Variants in RGS7 observed in about 807,000 individuals in gnomAD.
RGS7 encodes the protein regulator of G protein signaling 7.
In RGS7, 27 loss-of-function variants were observed where a neutral mutation model predicts 81.1. That is an observed-to-expected ratio of 0.33 (90% CI 0.25 to 0.46). RGS7 has a LOEUF of 0.46. Ranked by LOEUF, RGS7 falls within the 20% of genes least tolerant of loss-of-function variation. RGS7 has a pLI of 1.00. For missense variants in RGS7, 396 were observed against 607.4 expected (o/e 0.65, Z 3.66); for synonymous variants, 208 against 207.7 (o/e 1.00, Z -0.01).
intron 2 of RGS7, among the ~76,000 whole-genome samples, chr1:241,241,453 G>A (rs915035437): frequency 2.6e-5 from 4 of 152,040 alleles, no homozygotes; most frequent in Admixed American, 6.5e-5. Context: ...GCTGTTTTCC[G>A]TTTCATCTCC....
chr1:240,985,027 A>G (rs1022800246), intron 3 of RGS7, among the ~76,000 whole-genome samples: 2 of 152,324 alleles, frequency 1.3e-5, no homozygotes, highest in East Asian at 3.9e-4. Flanking sequence ...TTTTACTAAA[A>G]CAGCTCTAAG....
rs373136602 is a variant in RGS7 at position 241,094,054 on chromosome 1, C to CCTGAGGA, written c.175+4605_175+4611dup. Among the ~76,000 whole-genome samples the CCTGAGGA allele has an allele frequency of 5.1e-3, 770 of 152,250 alleles. 2 individuals are homozygous for CCTGAGGA. Among genetic ancestry groups the CCTGAGGA allele is most frequent in the African/African-American group, 0.018 (736 of 41,534 alleles). On this transcript the variant is annotated intron_variant, in intron 3 of 18. Transcript: ENST00000440928. ...AGTTTGTGCAGACTGCTGGACTGTG[C>CCTGAGGA]CTGAGGACTGGGGCAAGAGCTGCAA... is the stretch of plus-strand genomic sequence containing the variant.
intron 2 of RGS7, among the ~76,000 whole-genome samples, chr1:241,349,006 A>AAAT (rs1201162678): frequency 5.8e-5 from 1 of 17,166 alleles, no homozygotes; most frequent in African/African-American, 7.3e-5. Flanking sequence ...TAATAAGATA[A>AAAT]AATGATAATA....
intron 9 of RGS7, among the ~76,000 whole-genome samples, chr1:240,828,866 G>T (rs992544805): frequency 6.6e-6 from 1 of 152,164 alleles, no homozygotes. Context: ...CAGACTGCAA[G>T]AAATTAAAGC....
At chr1:240,811,389 T>A (rs911371259) in intron 14 of RGS7, among the ~76,000 whole-genome samples, 2 of 152,246 alleles carry the variant, frequency 1.3e-5, no homozygotes, top group African/African-American at 4.8e-5. Context: ...GGTGTCACTC[T>A]CTCACGAACA....
intron 3 of RGS7, among the ~76,000 whole-genome samples, chr1:241,049,568 T>C (rs2061139931): frequency 6.6e-6 from 1 of 152,172 alleles, no homozygotes; most frequent in Non-Finnish European, 1.5e-5. Flanking sequence ...ATCACAATTG[T>C]CTGTGGACAA....
intron 6 of RGS7, among the ~76,000 whole-genome samples, chr1:240,927,562 T>C (rs1230489941): frequency 2.6e-5 from 4 of 152,150 alleles, no homozygotes; most frequent in African/African-American, 9.7e-5. Flanking sequence ...AAATTCAAAG[T>C]TGGGTAATTC....
chr1:241,168,442 T>C (rs1436687199), intron 2 of RGS7, among the ~76,000 whole-genome samples: 1 of 152,166 alleles, frequency 6.6e-6, no homozygotes, highest in African/African-American at 2.4e-5. Flanking sequence ...TGGCAGATAC[T>C]CACTAGGGTG....
chr1:241,001,596 T>C (rs1688147898), intron 3 of RGS7, among the ~76,000 whole-genome samples: 2 of 152,114 alleles, frequency 1.3e-5, no homozygotes, highest in African/African-American at 4.8e-5. Context: ...CAAAACATCA[T>C]TGAGTTCTAA....
At chr1:240,869,169 C>A (rs1356481718) in intron 7 of RGS7, among the ~76,000 whole-genome samples, 2 of 152,132 alleles carry the variant, frequency 1.3e-5, no homozygotes, top group African/African-American at 2.4e-5. Context: ...GATGAACCCA[C>A]TGGATTTTTC....
chr1:241,317,466 C>A (rs2080949827), intron 2 of RGS7, among the ~76,000 whole-genome samples: 1 of 152,096 alleles, frequency 6.6e-6, no homozygotes, highest in South Asian at 2.1e-4. Context: ...AAGGACCTTA[C>A]CCTTACTTTC....
At chr1:241,119,451 T>G (rs1016955278) in intron 2 of RGS7, among the ~76,000 whole-genome samples, 1 of 152,224 alleles carries the variant, frequency 6.6e-6, no homozygotes, top group African/African-American at 2.4e-5. Flanking sequence ...CAGGTAGTAG[T>G]CAGTGATTAC....
intron 3 of RGS7, among the ~76,000 whole-genome samples, chr1:241,078,007 G>GGA (rs138241514): frequency 6.6e-6 from 1 of 151,308 alleles, no homozygotes; most frequent in Non-Finnish European, 1.5e-5. Flanking sequence ...CTGACTTATT[G>GGA]GAGAGAGAGA....
intron 6 of RGS7, among the ~76,000 whole-genome samples, chr1:240,899,339 G>C (rs1461575419): frequency 6.6e-6 from 1 of 152,140 alleles, no homozygotes; most frequent in African/African-American, 2.4e-5. Context: ...GATGTTCGAT[G>C]GTTATTTTGC....
At chr1:240,920,334 G>T in intron 6 of RGS7, 1 of 1,520,532 alleles carries the variant, frequency 6.6e-7, no homozygotes, top group Non-Finnish European at 9.0e-7. Flanking sequence ...TGGTGGCTTT[G>T]GTGGCAGCTG....
At chr1:241,268,607 G>A (rs1275266392) in intron 2 of RGS7, among the ~76,000 whole-genome samples, 1 of 152,092 alleles carries the variant, frequency 6.6e-6, no homozygotes. Context: ...CTGAAGCTAG[G>A]AGATACGAGA....
At chr1:241,345,155 G>A (rs551053163) in intron 2 of RGS7, among the ~76,000 whole-genome samples, 1 of 152,196 alleles carries the variant, frequency 6.6e-6, no homozygotes, top group African/African-American at 2.4e-5. Context: ...AACACTGCAT[G>A]TTCTTACTTA....
intron 3 of RGS7, among the ~76,000 whole-genome samples, chr1:241,041,829 T>C (rs966804416): frequency 6.6e-6 from 1 of 151,050 alleles, no homozygotes; most frequent in Non-Finnish European, 1.5e-5. Context: ...AGTACTACCT[T>C]TGGTAGTACT....
At position 240,936,606 on chromosome 1, in the gene RGS7, C is replaced by A. The variant is rs768977523; in HGVS notation, c.327G>T (p.Arg109=). The A allele has an allele frequency of 1.2e-6, 2 of 1,611,628 alleles. No individual in the cohort carries two copies. Among genetic ancestry groups the A allele is most frequent in the East Asian group, 4.5e-5 (2 of 44,844 alleles). The change falls in exon 5 of 19, where the codon CGG becomes CGT. Residue 109 remains arginine (R), a synonymous_variant. Transcript: ENST00000440928. ...ACATTTCTAATAAACTTACTTGAAA[C>A]CGGTAAAAGGTGCCATCATCCTTGA... ...LTLKDDGTFY[R]FQTPYFWPSN...
Sources: gnomAD v4.1 joint callset for allele counts (sites outside exome capture counted in the v4.1 genomes callset) on GRCh38, gnomAD v4.1.1 for gene constraint, MANE v1.5 for transcripts, NCBI Gene and HGNC (gene_info 2026-07-23, HGNC 2026-07-21) for gene names.